The following ATF6 variants were observed in gnomAD, a reference collection of about 807,000 sequenced individuals.
ATF6 encodes the protein activating transcription factor 6.
A neutral mutation model predicts 83.6 loss-of-function variants in ATF6; 53 were observed. The observed-to-expected ratio is 0.63, with a 90% CI of 0.51 to 0.80. ATF6 has a LOEUF of 0.80. ATF6 is among the 30% of genes least tolerant of loss of function. ATF6 has a pLI of 0.00. For synonymous variants in ATF6, 288 were observed against 285.8 expected (o/e 1.01, Z -0.08); for missense variants, 744 against 797.9 (o/e 0.93, Z 0.81).
chr1:161,807,304 T>C (rs1272410455), intron 7 of ATF6, among the ~76,000 whole-genome samples: 1 of 152,224 alleles, frequency 6.6e-6, no homozygotes, highest in Non-Finnish European at 1.5e-5. Flanking sequence ...AAAACTTCAA[T>C]AGACGTTGAA....
intron 14 of ATF6, chr1:161,891,587 ACG>A (rs1215252237): frequency 2.1e-4 from 32 of 152,308 alleles, no homozygotes; most frequent in African/African-American, 7.2e-4. Context: ...TGCTGCACCT[ACG>A]GAACGAGTAT....
chr1:161,880,603 T>C, intron 14 of ATF6, among the ~76,000 whole-genome samples: 1 of 152,154 alleles, frequency 6.6e-6, no homozygotes, highest in East Asian at 1.9e-4. Flanking sequence ...CTTGTATCAG[T>C]AGTTCGTCTT....
intron 15 of ATF6, among the ~76,000 whole-genome samples, chr1:161,928,435 T>C (rs1459873029): frequency 1.3e-5 from 2 of 152,130 alleles, no homozygotes; most frequent in East Asian, 3.9e-4. Context: ...CAGAAAGGCT[T>C]TTTTTCCCCA....
At chr1:161,819,215 T>A (rs1485757425) in intron 7 of ATF6, among the ~76,000 whole-genome samples, 1 of 152,166 alleles carries the variant, frequency 6.6e-6, no homozygotes, top group Non-Finnish European at 1.5e-5. Context: ...TTGCACATAA[T>A]GAATTTGAAG....
intron 2 of ATF6, among the ~76,000 whole-genome samples, chr1:161,781,045 T>G (rs895893617): frequency 6.6e-6 from 1 of 152,232 alleles, no homozygotes; most frequent in African/African-American, 2.4e-5. Flanking sequence ...TAAGTTTACT[T>G]TTCTTTTTGT....
intron 12 of ATF6, among the ~76,000 whole-genome samples, chr1:161,858,099 C>A (rs986793124): frequency 1.3e-5 from 2 of 151,636 alleles, no homozygotes; most frequent in African/African-American, 4.9e-5. Flanking sequence ...AAAGCAAGAC[C>A]CTGTGTCTTA....
intron 9 of ATF6, among the ~76,000 whole-genome samples, chr1:161,836,260 A>T (rs1686210659): frequency 6.6e-6 from 1 of 152,024 alleles, no homozygotes; most frequent in Non-Finnish European, 1.5e-5. Context: ...TCTGGTTCCA[A>T]TTTTTTGTTG....
At chr1:161,829,805 CA>C (rs1686004442) in intron 9 of ATF6, among the ~76,000 whole-genome samples, 1 of 152,162 alleles carries the variant, frequency 6.6e-6, no homozygotes, top group Admixed American at 6.5e-5. Flanking sequence ...GAACATATCT[CA>C]AAATAAAAGA....
chr1:161,860,125 A>T, intron 12 of ATF6, 82 bp from the exon 13 acceptor site: 1 of 856,704 alleles, frequency 1.2e-6, no homozygotes, highest in Non-Finnish European at 1.7e-6. Flanking sequence ...TAACAAATTT[A>T]AGTATAGAAT....
At chr1:161,792,922 G>T (rs16846343) in intron 6 of ATF6, among the ~76,000 whole-genome samples, 3,319 of 152,212 alleles carry the variant, frequency 0.022, 118 homozygotes, top group African/African-American at 0.077. Context: ...TGAGGATTTG[G>T]TACTATTCAG....
intron 12 of ATF6, among the ~76,000 whole-genome samples, chr1:161,858,899 C>T (rs931077686): frequency 2.0e-5 from 3 of 152,246 alleles, no homozygotes; most frequent in Non-Finnish European, 2.9e-5. Context: ...CTTTCTGAGA[C>T]TAGGGAAATA....
chr1:161,924,214 G>A (rs943499006), intron 15 of ATF6, among the ~76,000 whole-genome samples: 2 of 152,104 alleles, frequency 1.3e-5, no homozygotes, highest in African/African-American at 4.8e-5. Context: ...ACTTTCTGTG[G>A]AGTGTTACAT....
intron 1 of ATF6, among the ~76,000 whole-genome samples, chr1:161,777,693 A>C (rs1199408586): frequency 2.6e-5 from 4 of 152,256 alleles, no homozygotes; most frequent in Non-Finnish European, 5.9e-5. Context: ...ATTTGTAATG[A>C]AACCTCATTA....
chr1:161,906,526 T>C (rs1469325100), intron 14 of ATF6, among the ~76,000 whole-genome samples: 1 of 152,212 alleles, frequency 6.6e-6, no homozygotes, highest in Non-Finnish European at 1.5e-5. Flanking sequence ...TTGGGCAGTT[T>C]GTGGGGGACA....
At chr1:161,907,893 A>G (rs1345629306) in intron 14 of ATF6, among the ~76,000 whole-genome samples, 1 of 152,206 alleles carries the variant, frequency 6.6e-6, no homozygotes, top group East Asian at 1.9e-4. Context: ...AGTCTTGGTT[A>G]CAGTTACTGT....
intron 15 of ATF6, among the ~76,000 whole-genome samples, chr1:161,937,786 T>C (rs1462627475): frequency 1.3e-5 from 2 of 152,006 alleles, no homozygotes; most frequent in Non-Finnish European, 2.9e-5. Flanking sequence ...AAATACCTAA[T>C]GTAGATGACA....
intron 7 of ATF6, among the ~76,000 whole-genome samples, chr1:161,812,690 C>T (rs1685505742): frequency 6.6e-6 from 1 of 151,778 alleles, no homozygotes; most frequent in East Asian, 1.9e-4. Context: ...CCGCGCCCGG[C>T]CAGGAGCAGG....
At chr1:161,904,440 T>C (rs751604620) in intron 14 of ATF6, among the ~76,000 whole-genome samples, 23 of 151,872 alleles carry the variant, frequency 1.5e-4, no homozygotes, top group Non-Finnish European at 2.8e-4. Context: ...ATACAAAAAT[T>C]AGCTGGGCAT....
chr1:161,930,103 T>C (rs1242655751), intron 15 of ATF6, among the ~76,000 whole-genome samples: 1 of 152,230 alleles, frequency 6.6e-6, no homozygotes, highest in Non-Finnish European at 1.5e-5. Flanking sequence ...TTCTATACTT[T>C]GTACATGATA....
Sources: gnomAD v4.1 joint callset for allele counts (sites outside exome capture counted in the v4.1 genomes callset) on GRCh38, gnomAD v4.1.1 for gene constraint, MANE v1.5 for transcripts, NCBI Gene and HGNC (gene_info 2026-07-23, HGNC 2026-07-21) for gene names.